TFDP2: variants seen among roughly 807,000 people sequenced by gnomAD.
TFDP2 encodes the protein transcription factor Dp-2 (E2F dimerization partner 2).
Under a neutral mutation model 59.3 loss-of-function variants are expected in TFDP2, and 17 were observed. The ratio of observed to expected loss-of-function variants is 0.29; its 90% CI spans 0.20 to 0.43. The LOEUF is 0.43. Ranked by LOEUF, TFDP2 falls within the 20% of genes least tolerant of loss-of-function variation. TFDP2 has a pLI of 1.00. For synonymous variants in TFDP2, 180 were observed against 194.7 expected (o/e 0.92, Z 0.63); for missense variants, 391 against 528.8 (o/e 0.74, Z 2.56).
intron 3 of TFDP2, among the ~76,000 whole-genome samples, chr3:142,064,413 C>T (rs1384065013): frequency 6.6e-6 from 1 of 152,162 alleles, no homozygotes; most frequent in East Asian, 1.9e-4. Context: ...TGATAAAATT[C>T]GAGAACTACT....
intron 11 of TFDP2, among the ~76,000 whole-genome samples, chr3:141,958,313 G>A (rs1447623209): frequency 6.6e-6 from 1 of 152,104 alleles, no homozygotes; most frequent in Non-Finnish European, 1.5e-5. Flanking sequence ...GAGTAAGAAT[G>A]TATGAATTAT....
intron 3 of TFDP2, chr3:142,029,162 G>T (rs987487212): frequency 1.3e-5 from 2 of 152,532 alleles, no homozygotes; most frequent in African/African-American, 4.8e-5. Flanking sequence ...AGTTTCAGGG[G>T]GAAAAGAGGA....
chr3:142,007,027 A>G (rs913013239), intron 3 of TFDP2, among the ~76,000 whole-genome samples: 1 of 152,106 alleles, frequency 6.6e-6, no homozygotes, highest in Non-Finnish European at 1.5e-5. Context: ...CGCCTGCCTC[A>G]GCCTCCCAAA....
intron 3 of TFDP2, among the ~76,000 whole-genome samples, chr3:142,017,938 T>TTTTA (rs374321449): frequency 7.3e-5 from 11 of 151,294 alleles, no homozygotes; most frequent in South Asian, 2.1e-4. Flanking sequence ...TGCCTCAATA[T>TTTTA]TTTATTTATT....
intron 3 of TFDP2, among the ~76,000 whole-genome samples, chr3:142,036,543 C>A (rs1428485447): frequency 6.6e-6 from 1 of 152,156 alleles, no homozygotes; most frequent in Non-Finnish European, 1.5e-5. Flanking sequence ...GGCTCTCCAG[C>A]CCTCCTATTC....
In TFDP2 at chr3:142,149,455, G is replaced by T. The variant is rs1358464459; in HGVS notation, c.-365C>A. 2 of 376,300 alleles carry T rather than the reference G, an allele frequency of 5.3e-6. No homozygotes were observed. Among genetic ancestry groups the T allele is most frequent in the Middle Eastern group, 6.7e-4 (1 of 1,502 alleles). The allele number at this position is 376,300 out of a possible 1,614,324, so 23.3% of individuals were successfully genotyped here. A position where few individuals can be genotyped will look rare whatever the true frequency, so the allele number is the denominator to read the frequency against. On this transcript the variant is annotated 5_prime_UTR_variant, in exon 1 of 13. Coordinates refer to ENST00000489671, the MANE Select transcript of TFDP2 (RefSeq NM_001178139.2). ...GCAGCTGCGGCAGCGCCGCAGCCGA[G>T]ATCGCTACCGATTTCGTCCGCCCTC...
rs1946970496 is a variant in TFDP2, at chr3:142,041,524, T to C, written c.83-35980A>G. Among the ~76,000 whole-genome samples the C allele has an allele frequency of 1.3e-5, 2 of 152,238 alleles. 1 individual carries two copies. The highest frequency in any genetic ancestry group is 4.1e-4 in the South Asian group (2 of 4,834). ...GCCTGCCATCATGTAAGACGTGACT[T>C]TGTTCCTCCTTTGCCTTCTGCCATG... On this transcript the variant is annotated intron_variant, in intron 3 of 12. Transcript: ENST00000489671.
intron 1 of TFDP2, among the ~76,000 whole-genome samples, chr3:142,102,860 T>G (rs1409869013): frequency 6.6e-6 from 1 of 152,208 alleles, no homozygotes; most frequent in Non-Finnish European, 1.5e-5. Flanking sequence ...AGAGGCATTC[T>G]ACAAAATAAT....
At chr3:141,998,128 T>C (rs1236977785) in intron 4 of TFDP2, among the ~76,000 whole-genome samples, 1 of 152,016 alleles carries the variant, frequency 6.6e-6, no homozygotes, top group Non-Finnish European at 1.5e-5. Context: ...ATGACGCACC[T>C]GAATAGGAAA....
At chr3:142,087,800 C>A (rs950272052) in intron 3 of TFDP2, among the ~76,000 whole-genome samples, 3 of 152,284 alleles carry the variant, frequency 2.0e-5, no homozygotes, top group East Asian at 3.9e-4. Context: ...TGGCACCCAG[C>A]CTATTTTGCA....
chr3:142,113,961 A>G (rs1349551785), intron 1 of TFDP2, among the ~76,000 whole-genome samples: 4 of 152,040 alleles, frequency 2.6e-5, no homozygotes, highest in East Asian at 1.9e-4. Flanking sequence ...TCAGGAGATC[A>G]AGATCATCCT....
chr3:142,131,249 C>A (rs2062493211), intron 1 of TFDP2, among the ~76,000 whole-genome samples: 1 of 149,812 alleles, frequency 6.7e-6, no homozygotes, highest in Middle Eastern at 3.2e-3. Flanking sequence ...AGCAGGAAGA[C>A]ACAAATAGAC....
At chr3:142,084,974 G>A (rs932527234) in intron 3 of TFDP2, among the ~76,000 whole-genome samples, 1 of 152,028 alleles carries the variant, frequency 6.6e-6, no homozygotes, top group Admixed American at 6.6e-5. Context: ...AGGCCGGAGT[G>A]CAGTGGTGTG....
chr3:142,132,899 T>G lies in TFDP2; in HGVS notation c.-93+16284A>C, dbSNP rs1009813304. ...TATATGATATTCTTGGATAAGACAATTCAACATTATAAAGATATAAATTCT... is the reference window on the plus strand; with the variant it reads ...TATATGATATTCTTGGATAAGACAAGTCAACATTATAAAGATATAAATTCT... On this transcript the variant is annotated intron_variant, in intron 1 of 12. Coordinates refer to ENST00000489671, the MANE Select transcript of TFDP2 (RefSeq NM_001178139.2). Among the ~76,000 whole-genome samples the G allele has an allele frequency of 2.7e-5, 4 of 149,016 alleles. 1 individual carries two copies. Among genetic ancestry groups the G allele is most frequent in the African/African-American group, 7.7e-5 (3 of 39,146 alleles).
chr3:142,005,293 C>T, intron 4 of TFDP2, 148 bp downstream of exon 4: 1 of 555,974 alleles, frequency 1.8e-6, no homozygotes, highest in South Asian at 2.3e-5. Flanking sequence ...CCTGCCTCGG[C>T]CTCCCAAAGT....
At chr3:142,003,662 A>C (rs1943993888) in intron 4 of TFDP2, among the ~76,000 whole-genome samples, 1 of 152,198 alleles carries the variant, frequency 6.6e-6, no homozygotes. Context: ...AGGACCTCAG[A>C]AGTAGGGGGA....
chr3:142,033,317 A>G (rs539726693), intron 3 of TFDP2, among the ~76,000 whole-genome samples: 69 of 152,370 alleles, frequency 4.5e-4, no homozygotes, highest in Admixed American at 4.2e-3. Context: ...CACTGTAGAT[A>G]TAGAACATTT....
chr3:142,044,022 GA>G, intron 3 of TFDP2: 1 of 678,108 alleles, frequency 1.5e-6, no homozygotes, highest in Non-Finnish European at 2.7e-6. Flanking sequence ...TCAAGCCCAG[GA>G]ATGGACTGTC....
intron 3 of TFDP2, among the ~76,000 whole-genome samples, chr3:142,070,451 T>G (rs2060209790): frequency 6.6e-6 from 1 of 152,048 alleles, no homozygotes; most frequent in African/African-American, 2.4e-5. Context: ...CTAATTTTAT[T>G]TTTATCTTTT....
Sources: allele counts gnomAD v4.1 joint callset (sites outside exome capture counted in the v4.1 genomes callset), GRCh38; gene constraint gnomAD v4.1.1; transcripts MANE v1.5; gene names NCBI Gene and HGNC (gene_info 2026-07-23, HGNC 2026-07-21).